Variants in NTNG1 observed in about 807,000 individuals in gnomAD.
NTNG1 encodes netrin G1.
Under a neutral mutation model 54.0 loss-of-function variants are expected in NTNG1, and 16 were observed. The observed-to-expected ratio is 0.30, with a 90% CI of 0.20 to 0.45. The LOEUF (loss-of-function observed/expected upper bound fraction) is 0.45. Among genes scored for constraint, NTNG1 ranks in the 20% least tolerant of loss-of-function variants. The pLI is 1.00. For missense variants in NTNG1, 530 were observed against 678.7 expected (o/e 0.78, Z 2.43); for synonymous variants, 255 against 263.1 (o/e 0.97, Z 0.30).
rs143616518 is a variant in NTNG1 at position 107,455,297 on chromosome 1, C to T, written c.1390+18498C>T. ...CAGGCTGGTGTCGAACTCCTGACCT[C>T]CAGTGATCTTCCCGCCTCAGCCTCC... On this transcript the variant is annotated intron_variant, in intron 7 of 7. Coordinates refer to ENST00000370068, the MANE Select transcript of NTNG1 (RefSeq NM_001113226.3). 4.1e-3 allele frequency among the ~76,000 whole-genome samples: 630 copies of T among 152,304 alleles called. 5 individuals are homozygous for T. The highest frequency in any genetic ancestry group is 0.015 in the African/African-American group (603 of 41,560).
intron 2 of NTNG1, among the ~76,000 whole-genome samples, chr1:107,171,270 T>G (rs1436336356): frequency 1.3e-5 from 2 of 152,264 alleles, no homozygotes; most frequent in African/African-American, 4.8e-5. Context: ...CAAAAAAGTT[T>G]TCATTTTTTC....
chr1:107,322,688 T>C (rs2101873412), intron 2 of NTNG1, among the ~76,000 whole-genome samples: 1 of 152,196 alleles, frequency 6.6e-6, no homozygotes, highest in African/African-American at 2.4e-5. Flanking sequence ...TTGAAGGGGA[T>C]ACTATAAATA....
At chr1:107,181,519 A>G (rs1311984815) in intron 2 of NTNG1, among the ~76,000 whole-genome samples, 26 of 18,548 alleles carry the variant, frequency 1.4e-3, no homozygotes, top group Admixed American at 0.011. Context: ...AATCCTTGAT[A>G]ACATTTTTTT....
At chr1:107,186,520 C>A (rs530750572) in intron 2 of NTNG1, among the ~76,000 whole-genome samples, 3 of 152,276 alleles carry the variant, frequency 2.0e-5, no homozygotes, top group Admixed American at 6.5e-5. Context: ...CAACTCTATT[C>A]TATGTCAGCT....
At position 107,302,416 on chromosome 1, in the gene NTNG1, G is replaced by A. The variant is rs549534376; in HGVS notation, c.247-21866G>A. 6.6e-5 allele frequency among the ~76,000 whole-genome samples: 10 copies of A among 152,016 alleles called. No homozygotes were observed. The East Asian group carries it at 1.2e-3, about 18-fold the overall frequency. ...GTTCTCCATTGATAACCAGGTTACC[G>A]CTCACCTGCTTGGCACCTGTCCATT... On this transcript the variant is annotated intron_variant, in intron 2 of 7. Transcript: ENST00000370068.
rs915730100 is a variant in NTNG1, at chr1:107,457,908, G to A, written c.1390+21109G>A. 2.0e-5 allele frequency among the ~76,000 whole-genome samples: 3 copies of A among 152,088 alleles called. No individual in the cohort carries two copies. In the East Asian group the frequency reaches 5.8e-4, roughly 29 times the overall value. ...ATTTTTCTGAAGACATTTTTAATTTGTATATCCCAGCTTCCTTAGTTAGAG... is the reference window on the plus strand; with the variant it reads ...ATTTTTCTGAAGACATTTTTAATTTATATATCCCAGCTTCCTTAGTTAGAG... On this transcript the variant is annotated intron_variant, in intron 7 of 7. Coordinates refer to ENST00000370068, the MANE Select transcript of NTNG1 (RefSeq NM_001113226.3).
intron 2 of NTNG1, among the ~76,000 whole-genome samples, chr1:107,178,586 A>G (rs961178910): frequency 4.6e-5 from 7 of 152,078 alleles, no homozygotes; most frequent in Non-Finnish European, 1.0e-4. Context: ...GAAAAAGTGT[A>G]TGGGCAGTCA....
chr1:107,440,665 T>A (rs980526841), intron 7 of NTNG1, among the ~76,000 whole-genome samples: 1 of 152,150 alleles, frequency 6.6e-6, no homozygotes, highest in Admixed American at 6.6e-5. Context: ...TGGGCCACTA[T>A]TGAGGAATCA....
At chr1:107,446,692 C>T (rs11803905) in intron 7 of NTNG1, among the ~76,000 whole-genome samples, 38,209 of 151,954 alleles carry the variant, frequency 0.25, 4,881 homozygotes, top group Middle Eastern at 0.32. Flanking sequence ...TCTGGATTAC[C>T]CACAGGAATA....
intron 2 of NTNG1, among the ~76,000 whole-genome samples, chr1:107,169,375 A>C (rs188419804): frequency 1.1e-4 from 17 of 152,280 alleles, no homozygotes; most frequent in Non-Finnish European, 1.5e-5. Flanking sequence ...TTTGTTACAC[A>C]GATTTTCTGC....
chr1:107,201,349 C>G (rs1570834073), intron 2 of NTNG1, among the ~76,000 whole-genome samples: 1 of 151,790 alleles, frequency 6.6e-6, no homozygotes, highest in East Asian at 1.9e-4. Context: ...CAATCTGAAT[C>G]TCGCCCTACT....
In NTNG1 at chr1:107,302,674, A is replaced by G. The variant is rs182834582; in HGVS notation, c.247-21608A>G. Among the ~76,000 whole-genome samples, 190 of 149,082 alleles carry G rather than the reference A, an allele frequency of 1.3e-3. 1 individual carries two copies. The highest frequency in any genetic ancestry group is 4.5e-3 in the African/African-American group (185 of 41,172). ...ATATTGACCCACTTTAGTATTATGA[A>G]TGTGAATCCTCATAATTATCTTCTT... On this transcript the variant is annotated intron_variant, in intron 2 of 7. Transcript: ENST00000370068.
At chr1:107,259,332 G>A (rs929301883) in intron 2 of NTNG1, among the ~76,000 whole-genome samples, 34 of 151,998 alleles carry the variant, frequency 2.2e-4, no homozygotes, top group Non-Finnish European at 2.1e-4. Flanking sequence ...TGTGTTCATT[G>A]GAAAAAGCTC....
Position 107,484,771 on chromosome 1 carries a change from A to G in NTNG1, c.*3931A>G, listed in dbSNP as rs867483823. Among the ~76,000 whole-genome samples the G allele has an allele frequency of 1.1e-4, 16 of 152,180 alleles. No homozygotes were observed. Among genetic ancestry groups the G allele is most frequent in the Non-Finnish European group, 1.6e-4 (11 of 68,042 alleles). Reference sequence around the variant, plus strand: ...TGTTCCATCTCCTTCACCCTCTACCATCAATAATCCAGTATGATTGGGATG... The same window carrying G: ...TGTTCCATCTCCTTCACCCTCTACCGTCAATAATCCAGTATGATTGGGATG... On this transcript the variant is annotated 3_prime_UTR_variant, in exon 8 of 8. Coordinates refer to ENST00000370068, the MANE Select transcript of NTNG1 (RefSeq NM_001113226.3).
Position 107,483,756 on chromosome 1 carries a change from C to T in NTNG1, c.*2916C>T, listed in dbSNP as rs1349007415. Among the ~76,000 whole-genome samples, 1 of 152,148 alleles carries T rather than the reference C, an allele frequency of 6.6e-6. No homozygotes were observed. The highest frequency in any genetic ancestry group is 2.4e-5 in the African/African-American group (1 of 41,422). On this transcript the variant is annotated 3_prime_UTR_variant, in exon 8 of 8. Transcript: ENST00000370068. ...ATATGAGTTAATCTATCAACTTTCC[C>T]ACATAGAACTGATATAATTCCTTCT...
At chr1:107,180,118 AT>A (rs1656959627) in intron 2 of NTNG1, among the ~76,000 whole-genome samples, 2 of 152,194 alleles carry the variant, frequency 1.3e-5, no homozygotes, top group Admixed American at 1.3e-4. Context: ...TGGCAACAAT[AT>A]AGGAATTGTA....
intron 2 of NTNG1, among the ~76,000 whole-genome samples, chr1:107,190,745 G>A (rs575061369): frequency 2.8e-4 from 43 of 152,106 alleles, no homozygotes; most frequent in African/African-American, 9.6e-4. Flanking sequence ...GTCCCTACAA[G>A]GGACATGAAC....
At chr1:107,319,865 T>TTATATATATATATATATATA (rs1553225209) in intron 2 of NTNG1, among the ~76,000 whole-genome samples, 1 of 147,870 alleles carries the variant, frequency 6.8e-6, no homozygotes, top group African/African-American at 2.5e-5. Flanking sequence ...TACCTGAGGT[T>TTATATATATATATATATATA]TATATATATA....
chr1:107,481,610 CCAGA>C lies in NTNG1; in HGVS notation c.*773_*776del, dbSNP rs1387383077. ...TTTGTATTATTGCCAATTTGTGTTA[CCAGA>C]CAATCTGTTAATGTATCTAATTCGA... On this transcript the variant is annotated 3_prime_UTR_variant, in exon 8 of 8. Transcript: ENST00000370068. 4 of 152,554 alleles carry C rather than the reference CCAGA, an allele frequency of 2.6e-5. No individual in the cohort carries two copies. Among genetic ancestry groups the C allele is most frequent in the Non-Finnish European group, 5.9e-5 (4 of 68,020 alleles). 9.5% of individuals were successfully genotyped at this position (152,554 alleles called of 1,614,324 possible). A position where few individuals can be genotyped will look rare whatever the true frequency, so the allele number is the denominator to read the frequency against.
Sources: allele counts gnomAD v4.1 joint callset (sites outside exome capture counted in the v4.1 genomes callset), GRCh38; gene constraint gnomAD v4.1.1; transcripts MANE v1.5; gene names NCBI Gene and HGNC (gene_info 2026-07-23, HGNC 2026-07-21).